Variants in TYW1 observed in about 807,000 individuals in gnomAD.
TYW1 encodes tRNA-yW synthesizing protein 1 homolog.
In TYW1, 46 loss-of-function variants were observed where a neutral mutation model predicts 96.2. The ratio of observed to expected loss-of-function variants is 0.48; its 90% confidence interval spans 0.38 to 0.61. TYW1 has a LOEUF of 0.61. Among genes scored for constraint, TYW1 ranks in the 20% least tolerant of loss-of-function variants. TYW1 has a pLI of 0.00. For missense variants in TYW1, 684 were observed against 909.6 expected (o/e 0.75, Z 3.19); for synonymous variants, 274 against 323.0 (o/e 0.85, Z 1.63).
At chr7:67,102,344 G>A (rs1797110070) in intron 12 of TYW1, among the ~76,000 whole-genome samples, 1 of 152,156 alleles carries the variant, frequency 6.6e-6, no homozygotes, top group South Asian at 2.1e-4. Context: ...TTGCTGGTGA[G>A]TCTTCTCAGG....
chr7:67,156,999 C>T lies in TYW1; in HGVS notation c.1699-26127C>T, dbSNP rs962625640. ...CCTTTCCTTCTGTGTCTTAGACATT[C>T]TCAGTCACTTCCCTGCCAAAAACCC... On this transcript the variant is annotated intron_variant, in intron 13 of 15. Coordinates refer to ENST00000359626, the MANE Select transcript of TYW1 (RefSeq NM_018264.4). Among the ~76,000 whole-genome samples the T allele has an allele frequency of 2.0e-5, 3 of 152,018 alleles. No homozygotes were observed. In the East Asian group the frequency reaches 5.8e-4, roughly 29 times the overall value.
At position 67,022,666 on chromosome 7, in the gene TYW1, T is replaced by A. The variant is rs539499018; in HGVS notation, c.862-2234T>A. ...GTATGTTTCACGTGGTGTACTTGTC[T>A]CTTCTTGACAGCTTGGGCATGAGGC... On this transcript the variant is annotated intron_variant, in intron 6 of 15. Coordinates refer to ENST00000359626, the MANE Select transcript of TYW1 (RefSeq NM_018264.4). 1.6e-4 allele frequency among the ~76,000 whole-genome samples: 25 copies of A among 152,348 alleles called. 1 individual carries two copies. In the South Asian group the frequency reaches 5.0e-3, roughly 30 times the overall value.
intron 4 of TYW1, among the ~76,000 whole-genome samples, chr7:67,013,711 G>A (rs1056094577): frequency 4.0e-5 from 6 of 148,800 alleles, no homozygotes; most frequent in South Asian, 4.3e-4. Flanking sequence ...AGTAGCCACC[G>A]TGCCTGGCCA....
intron 7 of TYW1, among the ~76,000 whole-genome samples, chr7:67,041,942 TGTATA>T (rs1795036680): frequency 6.7e-6 from 1 of 150,352 alleles, no homozygotes; most frequent in Non-Finnish European, 1.5e-5. Context: ...TGTATTTTCT[TGTATA>T]GTAGTTAATA....
At chr7:67,191,208 C>T (rs6948793) in intron 14 of TYW1, among the ~76,000 whole-genome samples, 43,934 of 151,956 alleles carry the variant, frequency 0.29, 7,049 homozygotes, top group African/African-American at 0.43. Flanking sequence ...ACACCTCCCA[C>T]TGGGCTCCAC....
intron 7 of TYW1, among the ~76,000 whole-genome samples, chr7:67,043,438 A>G (rs960756745): frequency 2.0e-5 from 3 of 151,640 alleles, no homozygotes; most frequent in South Asian, 2.1e-4. Flanking sequence ...GCAGACAAAC[A>G]CTAACATCAG....
chr7:67,152,724 C>T (rs1183131540), intron 13 of TYW1, among the ~76,000 whole-genome samples: 2 of 152,134 alleles, frequency 1.3e-5, no homozygotes, highest in Non-Finnish European at 2.9e-5. Flanking sequence ...GCCTCAGCCT[C>T]CCGAGTAGCT....
At chr7:67,147,423 ATT>A (rs67475331) in intron 13 of TYW1, among the ~76,000 whole-genome samples, 39,406 of 149,376 alleles carry the variant, frequency 0.26, 5,597 homozygotes, top group African/African-American at 0.38. Flanking sequence ...CATGCTCTGT[ATT>A]TTTTTTTTTA....
intron 13 of TYW1, among the ~76,000 whole-genome samples, chr7:67,155,554 G>A (rs1337269901): frequency 7.0e-6 from 1 of 142,870 alleles, no homozygotes; most frequent in South Asian, 2.3e-4. Flanking sequence ...CCAGCTTTAG[G>A]TATTCTTTTT....
At chr7:67,182,734 T>G (rs531912972) in intron 13 of TYW1, among the ~76,000 whole-genome samples, 1 of 140,400 alleles carries the variant, frequency 7.1e-6, no homozygotes, top group South Asian at 2.3e-4. Context: ...TTCTTGTCAC[T>G]AACAACTTGG....
intron 13 of TYW1, among the ~76,000 whole-genome samples, chr7:67,172,161 G>T: frequency 1.3e-5 from 2 of 150,712 alleles, no homozygotes; most frequent in African/African-American, 4.9e-5. Flanking sequence ...GCTTTCTTTT[G>T]TTTTTAACTA....
chr7:67,187,532 T>G (rs975106831), intron 14 of TYW1, among the ~76,000 whole-genome samples: 3 of 152,248 alleles, frequency 2.0e-5, no homozygotes, highest in Non-Finnish European at 1.5e-5. Flanking sequence ...CATGCTTTGT[T>G]AACTTACCTG....
At chr7:67,057,889 T>A (rs1335063547) in intron 9 of TYW1, among the ~76,000 whole-genome samples, 3 of 152,258 alleles carry the variant, frequency 2.0e-5, no homozygotes. Context: ...TTAATTTGGA[T>A]ACAGTTCACT....
chr7:67,116,976 T>C (rs1291580813), intron 12 of TYW1, among the ~76,000 whole-genome samples: 4 of 152,202 alleles, frequency 2.6e-5, no homozygotes, highest in African/African-American at 4.8e-5. Flanking sequence ...GTCCCACTTA[T>C]GGAAGCATAG....
intron 12 of TYW1, among the ~76,000 whole-genome samples, chr7:67,099,783 A>G (rs1000832756): frequency 2.6e-5 from 4 of 152,188 alleles, no homozygotes; most frequent in Admixed American, 2.0e-4. Flanking sequence ...CCGGTGGATC[A>G]CCTGAGGTTG....
chr7:67,129,496 C>T (rs1205978289), intron 13 of TYW1, among the ~76,000 whole-genome samples: 2 of 152,170 alleles, frequency 1.3e-5, no homozygotes, highest in African/African-American at 2.4e-5. Flanking sequence ...GAGGTTTCTG[C>T]TCCTGTTAAG....
At chr7:67,195,451 C>G in intron 15 of TYW1, 114 bp downstream of exon 15, 1 of 1,509,660 alleles carries the variant, frequency 6.6e-7, no homozygotes, top group South Asian at 1.2e-5. Context: ...TTGTTTGCTA[C>G]CTTTCCCAAA....
At chr7:67,227,152 T>G (rs1337697500) in intron 15 of TYW1, among the ~76,000 whole-genome samples, 1 of 152,204 alleles carries the variant, frequency 6.6e-6, no homozygotes, top group Non-Finnish European at 1.5e-5. Flanking sequence ...GGGCTGACCT[T>G]TGCCCTCAGC....
intron 9 of TYW1, among the ~76,000 whole-genome samples, chr7:67,062,083 C>A (rs1248146076): frequency 2.6e-5 from 4 of 152,002 alleles, no homozygotes; most frequent in Admixed American, 1.3e-4. Flanking sequence ...GTCATTTAGT[C>A]CATTGATCTT....
Sources: gnomAD v4.1 joint callset for allele counts (sites outside exome capture counted in the v4.1 genomes callset) on GRCh38, gnomAD v4.1.1 for gene constraint, MANE v1.5 for transcripts, NCBI Gene and HGNC (gene_info 2026-07-23, HGNC 2026-07-21) for gene names.